The following LRFN5 variants were observed in gnomAD, a reference collection of about 807,000 sequenced individuals.
The protein encoded by LRFN5 is leucine rich repeat and fibronectin type III domain containing 5, also known as leucine-rich repeat and fibronectin type-III domain-containing protein 5.
In LRFN5, 24 loss-of-function variants were observed where a neutral mutation model predicts 45.6. The ratio of observed to expected loss-of-function variants is 0.53; its 90% CI spans 0.38 to 0.74. The LOEUF is 0.74. Among genes scored for constraint, LRFN5 ranks in the 30% least tolerant of loss-of-function variants. The pLI, the probability that LRFN5 is intolerant of heterozygous loss-of-function variation, is 0.00. For synonymous variants in LRFN5, 340 were observed against 313.8 expected (o/e 1.08, Z -0.88); for missense variants, 776 against 861.5 (o/e 0.90, Z 1.24).
Position 41,891,323 on chromosome 14 carries a change from T to C in LRFN5, c.1459T>C (p.Leu487=). Residue 487 remains leucine (L), a synonymous_variant, in exon 4 of 6, where the codon TTG becomes CTG. Coordinates refer to ENST00000298119, the MANE Select transcript of LRFN5 (RefSeq NM_152447.5). ...AAGTMYDLCV[L]AIYDDGITSL... is the part of the protein sequence containing the mutation. ...TGGAACTATGTATGACTTGTGTGTC[T>C]TGGCCATATATGATGATGGCATCAC... 6.2e-7 allele frequency: 1 copy of C among 1,614,162 alleles called. No individual in the cohort carries two copies. The highest frequency in any genetic ancestry group is 2.2e-5 in the East Asian group (1 of 44,878).
intron 1 of LRFN5, among the ~76,000 whole-genome samples, chr14:41,664,123 A>G (rs1322797018): frequency 6.6e-6 from 1 of 151,972 alleles, no homozygotes; most frequent in Non-Finnish European, 1.5e-5. Flanking sequence ...TCTCCCTACA[A>G]GTGTTTGCAA....
intron 2 of LRFN5, among the ~76,000 whole-genome samples, chr14:41,852,093 A>T (rs1004234507): frequency 1.3e-5 from 2 of 151,844 alleles, no homozygotes; most frequent in African/African-American, 4.8e-5. Flanking sequence ...ATACTCCCTT[A>T]AATTGCTTAT....
chr14:41,739,689 T>C (rs1201097522), intron 1 of LRFN5, among the ~76,000 whole-genome samples: 1 of 147,542 alleles, frequency 6.8e-6, no homozygotes, highest in Non-Finnish European at 1.5e-5. Flanking sequence ...ACAAACGTAG[T>C]GGAAGGAAGT....
chr14:41,823,439 A>ATATCTG (rs1199600114), intron 2 of LRFN5, among the ~76,000 whole-genome samples: 1 of 151,204 alleles, frequency 6.6e-6, no homozygotes, highest in Admixed American at 6.6e-5. Flanking sequence ...ATCTATATCT[A>ATATCTG]TATTTGATTT....
At chr14:41,645,318 TC>T (rs1229613095) in intron 1 of LRFN5, among the ~76,000 whole-genome samples, 2 of 152,126 alleles carry the variant, frequency 1.3e-5, no homozygotes, top group African/African-American at 4.8e-5. Context: ...CACTGCAACC[TC>T]CGCCTCCCAG....
chr14:41,902,747 C>T (rs1891139558), intron 5 of LRFN5, among the ~76,000 whole-genome samples: 1 of 151,706 alleles, frequency 6.6e-6, no homozygotes, highest in Non-Finnish European at 1.5e-5. Flanking sequence ...AGGTGTACTG[C>T]AACTTTTACT....
chr14:41,768,694 C>T (rs2138886207), intron 2 of LRFN5, among the ~76,000 whole-genome samples: 1 of 152,168 alleles, frequency 6.6e-6, no homozygotes, highest in South Asian at 2.1e-4. Context: ...ATTTTATCTG[C>T]CCAATTAGTT....
chr14:41,863,582 C>T (rs537674862), intron 2 of LRFN5, among the ~76,000 whole-genome samples: 22 of 152,194 alleles, frequency 1.4e-4, no homozygotes, highest in African/African-American at 4.8e-4. Context: ...ATTTTATAGA[C>T]GTTTTCCTTA....
intron 1 of LRFN5, among the ~76,000 whole-genome samples, chr14:41,763,703 G>A (rs916554366): frequency 7.9e-5 from 12 of 152,066 alleles, no homozygotes; most frequent in African/African-American, 2.4e-4. Flanking sequence ...CTTGCCTGCC[G>A]CCATGTAAGA....
chr14:41,622,371 A>G (rs1888167539), intron 1 of LRFN5, among the ~76,000 whole-genome samples: 1 of 152,098 alleles, frequency 6.6e-6, no homozygotes, highest in African/African-American at 2.4e-5. Flanking sequence ...AATTTTACAA[A>G]TAAAATTTTA....
intron 2 of LRFN5, among the ~76,000 whole-genome samples, chr14:41,778,013 G>GT (rs1373569232): frequency 1.4e-5 from 1 of 70,622 alleles, no homozygotes; most frequent in African/African-American, 7.4e-5. Context: ...TTTTTTGGTG[G>GT]GGGGGGGGGA....
intron 1 of LRFN5, among the ~76,000 whole-genome samples, chr14:41,654,204 A>T (rs550621986): frequency 8.6e-5 from 13 of 151,372 alleles, no homozygotes; most frequent in Middle Eastern, 3.4e-3. Context: ...TAATAATAAT[A>T]AAAAAAAAGA....
intron 2 of LRFN5, among the ~76,000 whole-genome samples, chr14:41,842,725 G>A (rs1226686152): frequency 6.6e-6 from 1 of 152,006 alleles, no homozygotes; most frequent in African/African-American, 2.4e-5. Context: ...TTTTTACCAT[G>A]AGAAGTGTAT....
intron 2 of LRFN5, among the ~76,000 whole-genome samples, chr14:41,818,716 GT>G (rs1402739663): frequency 6.6e-6 from 1 of 152,022 alleles, no homozygotes; most frequent in African/African-American, 2.4e-5. Flanking sequence ...GTCTTTTTGT[GT>G]TGATTCTTTG....
At chr14:41,704,587 C>A (rs1018574240) in intron 1 of LRFN5, among the ~76,000 whole-genome samples, 1 of 151,706 alleles carries the variant, frequency 6.6e-6, no homozygotes, top group East Asian at 1.9e-4. Flanking sequence ...GCCTCCCAAG[C>A]GGGTGGAACT....
At chr14:41,847,016 G>A (rs1889092565) in intron 2 of LRFN5, among the ~76,000 whole-genome samples, 1 of 152,108 alleles carries the variant, frequency 6.6e-6, no homozygotes, top group Non-Finnish European at 1.5e-5. Context: ...CCAGGGATTA[G>A]GGCTTGGACA....
In LRFN5 at chr14:41,878,551, T is replaced by G. The variant is rs187285338; in HGVS notation, c.-20-8055T>G. ...TAGTAATGGAAAATCATTTTTCAGT[T>G]TGTGTGTAATAGACTCTTCTTTGAA... On this transcript the variant is annotated intron_variant, in intron 2 of 5. Coordinates refer to ENST00000298119, the MANE Select transcript of LRFN5 (RefSeq NM_152447.5). Among the ~76,000 whole-genome samples, 167 of 152,278 alleles carry G rather than the reference T, an allele frequency of 1.1e-3. 3 individuals carry two copies. The highest frequency in any genetic ancestry group is 0.011 in the Admixed American group (164 of 15,296).
At chr14:41,752,102 T>A (rs1885159354) in intron 1 of LRFN5, among the ~76,000 whole-genome samples, 1 of 152,174 alleles carries the variant, frequency 6.6e-6, no homozygotes. Context: ...ACTCATCATT[T>A]TTTATGGCTG....
intron 1 of LRFN5, among the ~76,000 whole-genome samples, chr14:41,671,337 T>A (rs1038984194): frequency 1.3e-5 from 2 of 152,158 alleles, no homozygotes; most frequent in Non-Finnish European, 2.9e-5. Flanking sequence ...GGCAACACAC[T>A]AATATTTTCC....
Sources: allele counts gnomAD v4.1 joint callset (sites outside exome capture counted in the v4.1 genomes callset), GRCh38; gene constraint gnomAD v4.1.1; transcripts MANE v1.5; gene names NCBI Gene and HGNC (gene_info 2026-07-23, HGNC 2026-07-21).